The following TRIM24 variants were observed in gnomAD, a reference collection of about 807,000 sequenced individuals.
The protein encoded by TRIM24 is tripartite motif containing 24, also known as transcription intermediary factor 1-alpha.
TRIM24 carries 29 observed loss-of-function variants against 123.9 expected under a neutral mutation model. The ratio of observed to expected loss-of-function variants is 0.23; its 90% CI spans 0.17 to 0.32. The LOEUF (loss-of-function observed/expected upper bound fraction) is 0.32, where lower values mean the gene tolerates loss of function less well. Ranked by LOEUF, TRIM24 falls within the 10% of genes least tolerant of loss-of-function variation. The pLI is 1.00. For synonymous variants in TRIM24, 456 were observed against 461.1 expected, an observed-to-expected ratio of 0.99 and a Z score of 0.14; for missense variants, 932 against 1,295.3, an observed-to-expected ratio of 0.72 and a Z score of 4.31.
Position 138,529,163 on chromosome 7 carries a change from A to G in TRIM24, c.929A>G (p.Lys310Arg). ...CAAAAGCAGGTGGAACAGGATATTA[A>G]AGTTGCTATATTTACACTGATGGTA... ...QNQKQVEQDI[K>R]VAIFTLMVEI... Residue 310 changes from lysine (K) to arginine (R), a missense_variant, in exon 6 of 19, where the codon AAA becomes AGA. Lys to Arg is a conservative substitution (Grantham distance 26). Transcript: ENST00000343526. The G allele has an allele frequency of 6.3e-7, 1 of 1,581,114 alleles. No individual in the cohort carries two copies. The highest frequency in any genetic ancestry group is 2.3e-5 in the East Asian group (1 of 43,410).
chr7:138,493,027 T>A (rs113548649), intron 1 of TRIM24, among the ~76,000 whole-genome samples: 2 of 152,198 alleles, frequency 1.3e-5, no homozygotes, highest in East Asian at 3.9e-4. Context: ...TACTGCTGTA[T>A]GAATTTTTCA....
At chr7:138,504,459 T>A in intron 2 of TRIM24, 51 bp downstream of exon 2, 1 of 1,175,512 alleles carries the variant, frequency 8.5e-7, no homozygotes, top group South Asian at 1.9e-5. Flanking sequence ...TTTTTTTTTT[T>A]TTTTTTTTTT....
chr7:138,572,478 T>C (rs903324767), intron 11 of TRIM24, among the ~76,000 whole-genome samples: 3 of 51,468 alleles, frequency 5.8e-5, no homozygotes, highest in African/African-American at 2.6e-4. Context: ...TTCTGCTTTT[T>C]CCTCTGCAGT....
chr7:138,544,633 G>A (rs1563054675), intron 7 of TRIM24, among the ~76,000 whole-genome samples: 3 of 152,300 alleles, frequency 2.0e-5, no homozygotes, highest in South Asian at 4.1e-4. Context: ...CCCACCTAAA[G>A]TGTACAAAGG....
At chr7:138,580,321 T>TATG (rs1797866605) in intron 15 of TRIM24, among the ~76,000 whole-genome samples, 2 of 152,188 alleles carry the variant, frequency 1.3e-5, no homozygotes, top group South Asian at 4.1e-4. Flanking sequence ...TTTTTCAATA[T>TATG]ATGTATCTCA....
At chr7:138,545,041 T>A (rs1797073018) in intron 7 of TRIM24, among the ~76,000 whole-genome samples, 1 of 152,186 alleles carries the variant, frequency 6.6e-6, no homozygotes, top group Non-Finnish European at 1.5e-5. Context: ...TTAGAAATAT[T>A]GTATAAAATT....
Position 138,570,887 on chromosome 7 carries a change from C to T in TRIM24, c.1762C>T (p.Pro588Ser). 1 of 1,614,134 alleles carries T rather than the reference C, an allele frequency of 6.2e-7. No homozygotes were observed. The highest frequency in any genetic ancestry group is 8.5e-7 in the Non-Finnish European group (1 of 1,180,028). Residue 588 changes from proline to serine, a missense_variant, in exon 11 of 19, where the codon CCT (proline) becomes TCT (serine). By Grantham distance (74) the Pro-to-Ser change is moderately conservative. Coordinates refer to ENST00000343526, the MANE Select transcript of TRIM24 (RefSeq NM_015905.3). ...PSTTNSTSST[P>S]SSPTITSAAG... is the part of the protein sequence containing the mutation. ...AACTACCAACAGCACATCCTCTACT[C>T]CTTCCAGCCCCACGATTACTAGTGC...
At chr7:138,548,283 T>G (rs1400605719) in intron 7 of TRIM24, among the ~76,000 whole-genome samples, 1 of 152,198 alleles carries the variant, frequency 6.6e-6, no homozygotes, top group Non-Finnish European at 1.5e-5. Context: ...TGGTAAATGT[T>G]TGTATATTTA....
Position 138,579,333 on chromosome 7 carries a change from A to G in TRIM24, c.2386A>G (p.Asn796Asp). Residue 796 changes from asparagine (N) to aspartate (D), a missense_variant, in exon 15 of 19, where the codon AAT becomes GAT. Around this residue, in one of 7 missense-constraint regions of TRIM24, gnomAD observed 527 missense variants for 691.3 expected, o/e 0.76. Coordinates refer to ENST00000343526, the MANE Select transcript of TRIM24 (RefSeq NM_015905.3). The part of the protein sequence containing the change: ...TGDQPGLHQD[N>D]SSNGKSEWLD... ...AGATCAACCTGGACTTCACCAGGAC[A>G]ATTCCTCAAATGGAAAGTCTGAATG... The G allele has an allele frequency of 6.2e-7, 1 of 1,614,198 alleles. No individual in the cohort carries two copies. Among genetic ancestry groups the G allele is most frequent in the Non-Finnish European group, 8.5e-7 (1 of 1,180,032 alleles).
chr7:138,504,802 C>A (rs2116529664), intron 2 of TRIM24, among the ~76,000 whole-genome samples: 1 of 148,460 alleles, frequency 6.7e-6, no homozygotes, highest in East Asian at 2.0e-4. Context: ...GCGTTGTTGC[C>A]CAGGCTGGAG....
At chr7:138,466,517 T>A (rs1451218981) in intron 1 of TRIM24, among the ~76,000 whole-genome samples, 8 of 120,206 alleles carry the variant, frequency 6.7e-5, no homozygotes, top group Non-Finnish European at 8.1e-5. Flanking sequence ...CATACTGGAG[T>A]GCAGTGGCGC....
chr7:138,575,658 A>G (rs1045240617), intron 12 of TRIM24, among the ~76,000 whole-genome samples: 1 of 151,778 alleles, frequency 6.6e-6, no homozygotes, highest in Non-Finnish European at 1.5e-5. Flanking sequence ...TTGTATTCCT[A>G]CTTGTTACTG....
At chr7:138,489,997 G>A (rs1178783012) in intron 1 of TRIM24, among the ~76,000 whole-genome samples, 1 of 152,182 alleles carries the variant, frequency 6.6e-6, no homozygotes, top group African/African-American at 2.4e-5. Context: ...CCGATCAGAC[G>A]TAGATTTGGT....
At chr7:138,463,753 T>A (rs900377313) in intron 1 of TRIM24, among the ~76,000 whole-genome samples, 10 of 152,202 alleles carry the variant, frequency 6.6e-5, no homozygotes, top group African/African-American at 1.9e-4. Context: ...ATATTTTTTA[T>A]CTTTATGCTG....
intron 10 of TRIM24, among the ~76,000 whole-genome samples, chr7:138,570,597 TACTA>T (rs1030359932): frequency 1.3e-5 from 2 of 151,598 alleles, no homozygotes; most frequent in African/African-American, 4.8e-5. Flanking sequence ...TTCTGGTATA[TACTA>T]ACTGTTGTCT....
At chr7:138,528,639 T>G (rs536064720) in intron 5 of TRIM24, among the ~76,000 whole-genome samples, 13 of 152,164 alleles carry the variant, frequency 8.5e-5, no homozygotes, top group Non-Finnish European at 1.5e-4. Context: ...TGTCTTTTTC[T>G]ATTTAGGTGT....
chr7:138,576,915 C>G lies in TRIM24; in HGVS notation c.2087+470C>G, dbSNP rs566450743. 5.3e-5 allele frequency among the ~76,000 whole-genome samples: 8 copies of G among 150,304 alleles called. No individual in the cohort carries two copies. In the East Asian group the frequency reaches 1.5e-3, roughly 29 times the overall value. On this transcript the variant is annotated intron_variant, in intron 13 of 18. Coordinates refer to ENST00000343526, the MANE Select transcript of TRIM24 (RefSeq NM_015905.3). The stretch of plus-strand genomic sequence containing the variant: ...TTCCTCCTAGCTAGTGAACCCAGTT[C>G]TTACTTTATCATATGGAAGAATTGT...
At chr7:138,528,469 A>G (rs556824118) in intron 5 of TRIM24, among the ~76,000 whole-genome samples, 195 of 152,186 alleles carry the variant, frequency 1.3e-3, no homozygotes, top group Non-Finnish European at 2.4e-3. Context: ...TCAGCCTAAT[A>G]CATGAAAGCT....
chr7:138,512,944 AT>A (rs1796321362), intron 2 of TRIM24, among the ~76,000 whole-genome samples: 1 of 152,140 alleles, frequency 6.6e-6, no homozygotes. Context: ...CAGGTCACTT[AT>A]TTGCTCATAC....
Sources: gnomAD v4.1 joint callset for allele counts (sites outside exome capture counted in the v4.1 genomes callset) on GRCh38, gnomAD v4.1.1 for gene constraint, gnomAD v4.1.1 regional missense constraint, MANE v1.5 for transcripts, NCBI Gene and HGNC (gene_info 2026-07-23, HGNC 2026-07-21) for gene names.